C2CD5: variants seen among roughly 807,000 people sequenced by gnomAD.
C2CD5 encodes C2 domain-containing protein 5.
A neutral mutation model predicts 130.3 loss-of-function variants in C2CD5; 109 were observed. That is an observed-to-expected ratio of 0.84 (90% confidence interval 0.72 to 0.98). C2CD5 has a LOEUF of 0.98. C2CD5 is among the 50% of genes least tolerant of loss of function. The pLI, the probability that C2CD5 is intolerant of heterozygous loss-of-function variation, is 0.00. For missense variants in C2CD5, 996 were observed against 1,261.8 expected, an observed-to-expected ratio of 0.79 and a Z score of 3.19; for synonymous variants, 454 against 429.2, an observed-to-expected ratio of 1.06 and a Z score of -0.71.
At chr12:22,490,335 A>G in intron 11 of C2CD5, 117 bp from the exon 12 acceptor site, 2 of 566,272 alleles carry the variant, frequency 3.5e-6, no homozygotes, top group Non-Finnish European at 6.1e-6. Context: ...GACTCTACTC[A>G]ATATTAAATA....
At chr12:22,543,200 A>G (rs1437607814) in intron 2 of C2CD5, among the ~76,000 whole-genome samples, 1 of 152,224 alleles carries the variant, frequency 6.6e-6, no homozygotes, top group East Asian at 1.9e-4. Flanking sequence ...TTGCTGCTCT[A>G]ATGCTCTGGC....
intron 2 of C2CD5, 134 bp downstream of exon 2, chr12:22,543,927 G>C (rs1000303955): frequency 7.5e-6 from 5 of 666,256 alleles, no homozygotes; most frequent in Non-Finnish European, 1.3e-5. Flanking sequence ...ATCCCTCGTG[G>C]GAGAGCTGGA....
At chr12:22,515,850 T>TA (rs961844739) in intron 8 of C2CD5, among the ~76,000 whole-genome samples, 7 of 151,772 alleles carry the variant, frequency 4.6e-5, no homozygotes, top group South Asian at 2.1e-4. Flanking sequence ...AAAGACTGGC[T>TA]AAAAAAAATT....
At position 22,482,752 on chromosome 12, in the gene C2CD5, G is replaced by A; in HGVS notation, c.1551-9C>T. On this transcript the variant is annotated splice_polypyrimidine_tract_variant and intron_variant, in intron 13 of 26. Transcript: ENST00000446597. Reference sequence around the variant, plus strand: ...TTTTTAAGCGACATAACCTGTAAAGGAAAATAAGTCAGTGAACAGTATTCT... The same window carrying A: ...TTTTTAAGCGACATAACCTGTAAAGAAAAATAAGTCAGTGAACAGTATTCT... 6.2e-7 allele frequency: 1 copy of A among 1,607,538 alleles called. No homozygotes were observed. Among genetic ancestry groups the A allele is most frequent in the South Asian group, 1.1e-5 (1 of 90,776 alleles).
intron 2 of C2CD5, among the ~76,000 whole-genome samples, chr12:22,542,702 G>A (rs1952509944): frequency 6.6e-6 from 1 of 152,184 alleles, no homozygotes; most frequent in Admixed American, 6.5e-5. Context: ...TTAGCAGAGT[G>A]GTTAAGAGAA....
chr12:22,475,749 G>C (rs565398353), intron 15 of C2CD5, among the ~76,000 whole-genome samples: 30 of 152,104 alleles, frequency 2.0e-4, no homozygotes, highest in African/African-American at 5.8e-4. Flanking sequence ...ATGATCTATG[G>C]AGCACTTTCA....
intron 13 of C2CD5, among the ~76,000 whole-genome samples, chr12:22,482,989 G>T (rs1944943034): frequency 6.6e-6 from 1 of 152,022 alleles, no homozygotes; most frequent in African/African-American, 2.4e-5. Context: ...GCACAACAGG[G>T]TATCTACAGT....
In C2CD5 at chr12:22,482,650, C is replaced by T; in HGVS notation, c.1644G>A (p.Gln548=). ...CTTTGAGTTTTAGTTTATTCATTAG[C>T]TGAGTATGCACTTCATATTCCATAA... The part of the protein sequence containing the change: ...LPFMEYEVHT[Q]LMNKLKLKGM... The change falls in exon 14 of 27, where the codon CAG becomes CAA. Residue 548 remains glutamine (Q), a synonymous_variant. Coordinates refer to ENST00000446597, the MANE Select transcript of C2CD5 (RefSeq NM_001286176.2). The T allele has an allele frequency of 1.2e-6, 2 of 1,612,484 alleles. No individual in the cohort carries two copies. Among genetic ancestry groups the T allele is most frequent in the South Asian group, 2.2e-5 (2 of 91,050 alleles).
chr12:22,466,251 C>T (rs1360248810), intron 22 of C2CD5, among the ~76,000 whole-genome samples: 3 of 151,532 alleles, frequency 2.0e-5, no homozygotes, highest in Admixed American at 2.0e-4. Context: ...AACAATCATC[C>T]TATTTGTGAT....
intron 15 of C2CD5, among the ~76,000 whole-genome samples, chr12:22,475,397 G>A (rs1943697230): frequency 6.6e-6 from 1 of 151,996 alleles, no homozygotes; most frequent in Non-Finnish European, 1.5e-5. Context: ...GCACATATTT[G>A]CTATTCAATT....
intron 16 of C2CD5, among the ~76,000 whole-genome samples, chr12:22,474,392 A>G (rs1943525723): frequency 6.6e-6 from 1 of 152,218 alleles, no homozygotes. Flanking sequence ...AAAAAATGTT[A>G]TAACTACAGT....
At chr12:22,507,631 C>T (rs145869268) in intron 9 of C2CD5, among the ~76,000 whole-genome samples, 1 of 152,240 alleles carries the variant, frequency 6.6e-6, no homozygotes, top group Non-Finnish European at 1.5e-5. Context: ...AAACGGAGCT[C>T]CTGTGAAAAC....
intron 9 of C2CD5, 79 bp from the exon 10 acceptor site, chr12:22,506,898 A>AAAAAATTT: frequency 1.2e-6 from 1 of 817,518 alleles, no homozygotes; most frequent in Non-Finnish European, 2.2e-6. Context: ...AGCTTGCCAT[A>AAAAAATTT]GCAACTGTAT....
chr12:22,491,525 ACAT>A (rs951772303), intron 11 of C2CD5, among the ~76,000 whole-genome samples: 2 of 152,198 alleles, frequency 1.3e-5, no homozygotes, highest in African/African-American at 2.4e-5. Flanking sequence ...AATTTATTTT[ACAT>A]CATAATTATC....
chr12:22,536,518 CA>C (rs1951829205), intron 2 of C2CD5, among the ~76,000 whole-genome samples: 1 of 152,104 alleles, frequency 6.6e-6, no homozygotes, highest in Non-Finnish European at 1.5e-5. Flanking sequence ...AGTGACTGAA[CA>C]AATCATGTGC....
chr12:22,541,417 T>C (rs548482307), intron 2 of C2CD5, among the ~76,000 whole-genome samples: 130 of 152,344 alleles, frequency 8.5e-4, no homozygotes, highest in African/African-American at 3.0e-3. Context: ...CAAGGGCTTC[T>C]CAATGAATTT....
At chr12:22,526,523 T>C (rs1413099240) in intron 4 of C2CD5, among the ~76,000 whole-genome samples, 2 of 152,178 alleles carry the variant, frequency 1.3e-5, no homozygotes, top group African/African-American at 2.4e-5. Context: ...AGAATCTGAT[T>C]TAAAACAAAA....
chr12:22,521,931 C>T lies in C2CD5; in HGVS notation c.800+1495G>A, dbSNP rs185908609. Among the ~76,000 whole-genome samples the T allele has an allele frequency of 3.3e-5, 5 of 152,286 alleles. No individual in the cohort carries two copies. The East Asian group carries it at 9.7e-4, about 29-fold the overall frequency. On this transcript the variant is annotated intron_variant, in intron 7 of 26. Coordinates refer to ENST00000446597, the MANE Select transcript of C2CD5 (RefSeq NM_001286176.2). ...CTTTCTATTCAACCCCTCCTGACTA[C>T]TGAACTGGGAAACATTTTAGGTTTC...
chr12:22,519,945 A>G (rs1473864784), intron 7 of C2CD5, among the ~76,000 whole-genome samples: 1 of 152,180 alleles, frequency 6.6e-6, no homozygotes, highest in Admixed American at 6.5e-5. Context: ...TACAGAATAT[A>G]TCATATAAAC....
Sources: gnomAD v4.1 joint callset for allele counts (sites outside exome capture counted in the v4.1 genomes callset) on GRCh38, gnomAD v4.1.1 for gene constraint, MANE v1.5 for transcripts, NCBI Gene and HGNC (gene_info 2026-07-23, HGNC 2026-07-21) for gene names.